The following LRMDA variants were observed in gnomAD, a reference collection of about 807,000 sequenced individuals.
LRMDA encodes the protein leucine rich melanocyte differentiation associated.
LRMDA carries 18 observed loss-of-function variants against 29.8 expected under a neutral mutation model. That is an observed-to-expected ratio of 0.60 (90% CI 0.42 to 0.90). The LOEUF (loss-of-function observed/expected upper bound fraction) is 0.90, where lower values mean the gene tolerates loss of function less well. LRMDA is among the 40% of genes least tolerant of loss of function. The probability of loss-of-function intolerance (pLI) is 0.00; values close to 1 mark genes in which losing one functional copy is unlikely to be tolerated. For synonymous variants in LRMDA, 125 were observed against 109.4 expected (o/e 1.14, Z -0.89); for missense variants, 273 against 273.9 (o/e 1.00, Z 0.02).
chr10:76,365,140 A>T (rs974631072), intron 6 of LRMDA, among the ~76,000 whole-genome samples: 1 of 145,130 alleles, frequency 6.9e-6, no homozygotes, highest in Non-Finnish European at 1.5e-5. Flanking sequence ...CAGTTTCTTT[A>T]TCCACTCATT....
rs141538545 is a variant in LRMDA, at chr10:75,476,578, A to C, written c.131+38084A>C. ...ATTGCCTAGAGTCACGGTCTGATCC[A>C]AGTTGCTTCCCTGCTCAAAACTGGT... On this transcript the variant is annotated intron_variant, in intron 2 of 6. Transcript: ENST00000611255. 8.9e-3 allele frequency among the ~76,000 whole-genome samples: 1,358 copies of C among 152,274 alleles called. 6 individuals are homozygous for C. Among genetic ancestry groups the C allele is most frequent in the Non-Finnish European group, 0.016 (1,097 of 68,018 alleles).
At chr10:76,372,013 C>T (rs1043784866) in intron 6 of LRMDA, among the ~76,000 whole-genome samples, 3 of 152,174 alleles carry the variant, frequency 2.0e-5, no homozygotes, top group African/African-American at 7.2e-5. Context: ...TGGCACTTAC[C>T]TCCTCCCTGG....
chr10:75,529,908 G>A (rs1157535700), intron 2 of LRMDA, among the ~76,000 whole-genome samples: 1 of 152,102 alleles, frequency 6.6e-6, no homozygotes, highest in Non-Finnish European at 1.5e-5. Context: ...ACCACAGTAG[G>A]AAATCAATGG....
At chr10:75,733,051 G>T (rs1025692008) in intron 2 of LRMDA, among the ~76,000 whole-genome samples, 2 of 152,200 alleles carry the variant, frequency 1.3e-5, no homozygotes, top group African/African-American at 4.8e-5. Flanking sequence ...GATCACCTTA[G>T]ATTTAGACCA....
At chr10:75,846,177 T>TTGTGTG (rs59549881) in intron 2 of LRMDA, among the ~76,000 whole-genome samples, 21,742 of 142,886 alleles carry the variant, frequency 0.15, 1,660 homozygotes, top group South Asian at 0.22. Context: ...GTGTGTGTGT[T>TTGTGTG]TGTGTGTGTG....
intron 2 of LRMDA, among the ~76,000 whole-genome samples, chr10:75,579,449 A>T (rs4515909): frequency 0.6 from 91,907 of 152,026 alleles, 31,122 homozygotes; most frequent in East Asian, 0.85. Context: ...CAACCAAAAA[A>T]GTCCAGGACC....
At chr10:75,635,975 A>G (rs1369756955) in intron 2 of LRMDA, among the ~76,000 whole-genome samples, 1 of 152,176 alleles carries the variant, frequency 6.6e-6, no homozygotes, top group Non-Finnish European at 1.5e-5. Flanking sequence ...GTGCTACAGA[A>G]ACCATCTTAT....
At chr10:76,318,247 T>C (rs1840724936) in intron 5 of LRMDA, 1 of 152,272 alleles carries the variant, frequency 6.6e-6, no homozygotes. Flanking sequence ...CCTTCCTTTT[T>C]TCCTTTCGTA....
intron 5 of LRMDA, among the ~76,000 whole-genome samples, chr10:76,262,642 A>C (rs1274017093): frequency 6.6e-6 from 1 of 152,162 alleles, no homozygotes; most frequent in Non-Finnish European, 1.5e-5. Flanking sequence ...TCTGCAACTT[A>C]TTTAGCCCTA....
At chr10:75,723,086 A>C (rs1405572533) in intron 2 of LRMDA, among the ~76,000 whole-genome samples, 1 of 152,202 alleles carries the variant, frequency 6.6e-6, no homozygotes, top group Non-Finnish European at 1.5e-5. Flanking sequence ...TGTATAGACA[A>C]AGCTTATTTG....
chr10:75,635,385 TTCTC>T (rs1216368156), intron 2 of LRMDA, among the ~76,000 whole-genome samples: 1 of 152,178 alleles, frequency 6.6e-6, no homozygotes, highest in African/African-American at 2.4e-5. Flanking sequence ...GTTTTCTCCC[TTCTC>T]TCTATTTAAT....
intron 5 of LRMDA, among the ~76,000 whole-genome samples, chr10:76,315,431 T>TCCTGCTCCCGGGCCTCTC (rs1245490605): frequency 6.6e-6 from 1 of 152,192 alleles, no homozygotes; most frequent in Non-Finnish European, 1.5e-5. Flanking sequence ...AAGTGCCTGC[T>TCCTGCTCCCGGGCCTCTC]CCTGCTCCCG....
At chr10:76,073,805 T>C (rs1201483912) in intron 5 of LRMDA, among the ~76,000 whole-genome samples, 3 of 152,184 alleles carry the variant, frequency 2.0e-5, no homozygotes, top group Non-Finnish European at 2.9e-5. Context: ...ATGAGTTTCC[T>C]AGAGTCTTAT....
chr10:75,702,026 C>G (rs1180584362), intron 2 of LRMDA, among the ~76,000 whole-genome samples: 1 of 152,200 alleles, frequency 6.6e-6, no homozygotes, highest in African/African-American at 2.4e-5. Flanking sequence ...CTTGCACATG[C>G]CATTCCCACT....
At chr10:76,114,569 C>T (rs1483920285) in intron 5 of LRMDA, among the ~76,000 whole-genome samples, 1 of 152,156 alleles carries the variant, frequency 6.6e-6, no homozygotes, top group Non-Finnish European at 1.5e-5. Flanking sequence ...AGAGAGAGCT[C>T]TTTGCAAAGG....
intron 5 of LRMDA, among the ~76,000 whole-genome samples, chr10:76,283,086 G>T (rs1183758268): frequency 6.6e-6 from 1 of 152,194 alleles, no homozygotes; most frequent in African/African-American, 2.4e-5. Context: ...CAACTTCAAG[G>T]TTGCAGCATA....
intron 2 of LRMDA, among the ~76,000 whole-genome samples, chr10:76,023,147 T>A (rs1157762878): frequency 6.6e-6 from 1 of 152,080 alleles, no homozygotes; most frequent in Non-Finnish European, 1.5e-5. Flanking sequence ...CATCTCAAGA[T>A]CCATCCATTA....
chr10:76,361,509 T>C (rs181032048), intron 6 of LRMDA, among the ~76,000 whole-genome samples: 15 of 152,236 alleles, frequency 9.9e-5, no homozygotes, highest in African/African-American at 3.6e-4. Flanking sequence ...CGACCCCTGG[T>C]GAGTGGGCAG....
chr10:75,792,658 C>T lies in LRMDA; in HGVS notation c.132-243350C>T, dbSNP rs77369544. Reference sequence around the variant, plus strand: ...AACAGCAGGGTGATTTAAGAGTATGCCTCAGAGCCCACCAGCCAGCCTGGG... The same window carrying T: ...AACAGCAGGGTGATTTAAGAGTATGTCTCAGAGCCCACCAGCCAGCCTGGG... On this transcript the variant is annotated intron_variant, in intron 2 of 6. Transcript: ENST00000611255. 4.5e-4 allele frequency among the ~76,000 whole-genome samples: 68 copies of T among 152,316 alleles called. 1 individual carries two copies. The East Asian group carries it at 0.013, about 29-fold the overall frequency.
Sources: gnomAD v4.1 joint callset for allele counts (sites outside exome capture counted in the v4.1 genomes callset) on GRCh38, gnomAD v4.1.1 for gene constraint, MANE v1.5 for transcripts, NCBI Gene and HGNC (gene_info 2026-07-23, HGNC 2026-07-21) for gene names.